STAG1: variants seen among roughly 807,000 people sequenced by gnomAD.
STAG1 encodes the protein cohesin subunit SA-1.
Under a neutral mutation model 170.9 loss-of-function variants are expected in STAG1, and 26 were observed. That is an observed-to-expected ratio of 0.15 (90% CI 0.11 to 0.21). The LOEUF is 0.21. Among genes scored for constraint, STAG1 ranks in the 10% least tolerant of loss-of-function variants. The pLI is 1.00. For synonymous variants in STAG1, 514 were observed against 497.7 expected, an observed-to-expected ratio of 1.03 and a Z score of -0.44; for missense variants, 964 against 1,509.5, an observed-to-expected ratio of 0.64 and a Z score of 5.99.
intron 1 of STAG1, among the ~76,000 whole-genome samples, chr3:136,674,154 A>ATAGG (rs1942060079): frequency 7.6e-5 from 1 of 13,104 alleles, no homozygotes. Flanking sequence ...AGGGAGGGAG[A>ATAGG]GAGGGAGGGA....
At chr3:136,651,577 T>A (rs913204929) in intron 1 of STAG1, among the ~76,000 whole-genome samples, 3 of 152,080 alleles carry the variant, frequency 2.0e-5, no homozygotes, top group Admixed American at 2.0e-4. Flanking sequence ...GGCTTTAATA[T>A]TTACTAACTT....
Position 136,671,548 on chromosome 3 carries a change from G to T in STAG1, c.-83-40567C>A, listed in dbSNP as rs139169155. Reference sequence around the variant, plus strand: ...TGTAGAAGTAAACTGAAAAGAAAAGGTTCTAAAAACAGGACTCTTGAAGAA... The same window carrying T: ...TGTAGAAGTAAACTGAAAAGAAAAGTTTCTAAAAACAGGACTCTTGAAGAA... On this transcript the variant is annotated intron_variant, in intron 1 of 33. Transcript: ENST00000383202. Among the ~76,000 whole-genome samples the T allele has an allele frequency of 2.4e-4, 36 of 152,224 alleles. 2 individuals carry two copies. The East Asian group carries it at 6.9e-3, about 29-fold the overall frequency.
chr3:136,720,276 T>C (rs1933164896), intron 1 of STAG1, among the ~76,000 whole-genome samples: 1 of 150,064 alleles, frequency 6.7e-6, no homozygotes, highest in Non-Finnish European at 1.5e-5. Flanking sequence ...AGTAAATACA[T>C]AAAATCCAAA....
chr3:136,388,995 T>A (rs908471114), intron 22 of STAG1, among the ~76,000 whole-genome samples: 2 of 151,864 alleles, frequency 1.3e-5, no homozygotes, highest in African/African-American at 4.8e-5. Context: ...GGGATCTCAC[T>A]ATGTTGGCCA....
chr3:136,633,962 T>TTAAAAAAAAAAAAAAAAA, intron 1 of STAG1, among the ~76,000 whole-genome samples: 1 of 50,346 alleles, frequency 2.0e-5, no homozygotes, highest in Admixed American at 3.7e-4. Flanking sequence ...TGTCTCTACT[T>TTAAAAAAAAAAAAAAAAA]AAAAAAAAAA....
intron 1 of STAG1, among the ~76,000 whole-genome samples, chr3:136,706,361 CACTAA>C (rs1488074560): frequency 6.6e-6 from 1 of 152,048 alleles, no homozygotes; most frequent in Non-Finnish European, 1.5e-5. Flanking sequence ...AAAAAATTCC[CACTAA>C]ACTGATAAAA....
rs936084433 is a variant in STAG1, at chr3:136,336,714, T to C, written c.*1540A>G. The C allele has an allele frequency of 2.0e-5, 3 of 152,234 alleles. No homozygotes were observed. Among genetic ancestry groups the C allele is most frequent in the African/African-American group, 7.2e-5 (3 of 41,458 alleles). 9.4% of individuals were successfully genotyped at this position (152,234 alleles called of 1,614,324 possible). On this transcript the variant is annotated 3_prime_UTR_variant, in exon 34 of 34. Coordinates refer to ENST00000383202, the MANE Select transcript of STAG1 (RefSeq NM_005862.3). The stretch of plus-strand genomic sequence containing the variant: ...TTGGTGACCAGGTTTTTTTCAGAAC[T>C]GTACAAATGTTGAGAAAAATGTTTT...
chr3:136,685,292 G>A (rs1942477259), intron 1 of STAG1, among the ~76,000 whole-genome samples: 1 of 151,912 alleles, frequency 6.6e-6, no homozygotes, highest in African/African-American at 2.4e-5. Flanking sequence ...TTCCAGCCTG[G>A]GCGACAGAAT....
intron 7 of STAG1, among the ~76,000 whole-genome samples, chr3:136,520,588 C>T (rs112381573): frequency 1.2e-3 from 177 of 151,658 alleles, no homozygotes; most frequent in African/African-American, 2.5e-3. Flanking sequence ...TTACTGAAAA[C>T]CAAGAAAAAA....
intron 5 of STAG1, among the ~76,000 whole-genome samples, chr3:136,554,397 A>G (rs1936524403): frequency 6.6e-6 from 1 of 152,222 alleles, no homozygotes; most frequent in Non-Finnish European, 1.5e-5. Flanking sequence ...AAAATTATTG[A>G]GCTAACAATG....
rs576913620 is a variant in STAG1 at position 136,458,239 on chromosome 3, C to T, written c.1314-6092G>A. ...TGGCACAATCTGAGCTCACTGCAAC[C>T]TCTGCTTCCTAGGTTCAAGCAATTC... is the stretch of plus-strand genomic sequence containing the variant. On this transcript the variant is annotated intron_variant, in intron 13 of 33. Coordinates refer to ENST00000383202, the MANE Select transcript of STAG1 (RefSeq NM_005862.3). 2.6e-5 allele frequency among the ~76,000 whole-genome samples: 4 copies of T among 152,262 alleles called. No homozygotes were observed. The East Asian group carries it at 7.7e-4, about 29-fold the overall frequency.
In STAG1 at chr3:136,582,255, G is replaced by T. The variant is rs111843797; in HGVS notation, c.298-13394C>A. ...ACAAAGAAACACAAATGTATCAAAG[G>T]TACATAGCCAATACCTGCAATGAGA... On this transcript the variant is annotated intron_variant, in intron 4 of 33. Coordinates refer to ENST00000383202, the MANE Select transcript of STAG1 (RefSeq NM_005862.3). 7.8e-3 allele frequency among the ~76,000 whole-genome samples: 1,190 copies of T among 152,180 alleles called. 10 individuals carry two copies. The highest frequency in any genetic ancestry group is 0.024 in the Middle Eastern group (7 of 294).
rs777856860 is a variant in STAG1, at chr3:136,417,807, A to G, written c.2196+78T>C. ...AATGAATCGTCAATTACTTTCTATA[A>G]AAGGCTTCTGATAATCATATGACTT... On this transcript the variant is annotated intron_variant, in intron 21 of 33. Coordinates refer to ENST00000383202, the MANE Select transcript of STAG1 (RefSeq NM_005862.3). The G allele has an allele frequency of 4.7e-6, 5 of 1,053,632 alleles. No individual in the cohort carries two copies. The South Asian group carries it at 6.6e-5, about 14-fold the overall frequency. The allele number at this position is 1,053,632 out of a possible 1,614,324, so 65.3% of individuals were successfully genotyped here.
At chr3:136,693,827 G>A (rs1446643916) in intron 1 of STAG1, among the ~76,000 whole-genome samples, 1 of 151,826 alleles carries the variant, frequency 6.6e-6, no homozygotes, top group Non-Finnish European at 1.5e-5. Flanking sequence ...CCCACCTCAG[G>A]CTCCCAAAAT....
chr3:136,344,213 A>C (rs1936121870), intron 29 of STAG1, among the ~76,000 whole-genome samples: 1 of 152,210 alleles, frequency 6.6e-6, no homozygotes, highest in Non-Finnish European at 1.5e-5. Flanking sequence ...TGCATTACCT[A>C]ACCTCACGAA....
intron 21 of STAG1, among the ~76,000 whole-genome samples, chr3:136,414,797 A>T (rs997475268): frequency 6.6e-6 from 1 of 152,210 alleles, no homozygotes; most frequent in African/African-American, 2.4e-5. Flanking sequence ...TGTTGTGTTA[A>T]CAGTCATGAA....
intron 1 of STAG1, among the ~76,000 whole-genome samples, chr3:136,668,747 G>C (rs980061499): frequency 5.3e-5 from 8 of 152,110 alleles, no homozygotes; most frequent in Non-Finnish European, 1.0e-4. Context: ...TCACTGGGAG[G>C]GAGCTGCCTG....
intron 1 of STAG1, among the ~76,000 whole-genome samples, chr3:136,724,912 C>CA (rs549170388): frequency 4.1e-4 from 62 of 149,952 alleles, no homozygotes; most frequent in South Asian, 2.5e-3. Context: ...AATGTCTGTT[C>CA]AAAAAAAAAC....
rs189265840 is a variant in STAG1, at chr3:136,443,525, A to G, written c.1429-121T>C. ...TGGCTTGGTTTCCATGATTCTAAAA[A>G]CCACTTAGAGAACAATATATATATT... On this transcript the variant is annotated intron_variant, in intron 14 of 33. Coordinates refer to ENST00000383202, the MANE Select transcript of STAG1 (RefSeq NM_005862.3). 1,905 of 676,786 alleles carry G rather than the reference A, an allele frequency of 2.8e-3. 7 individuals carry two copies. The highest frequency in any genetic ancestry group is 3.3e-3 in the Non-Finnish European group (1,336 of 402,422). The allele number at this position is 676,786 out of a possible 1,614,324, so 41.9% of individuals were successfully genotyped here.
Sources: allele counts gnomAD v4.1 joint callset (sites outside exome capture counted in the v4.1 genomes callset), GRCh38; gene constraint gnomAD v4.1.1; transcripts MANE v1.5; gene names NCBI Gene and HGNC (gene_info 2026-07-23, HGNC 2026-07-21).